The following CERS6 variants were observed in gnomAD, a reference collection of about 807,000 sequenced individuals.
The protein encoded by CERS6 is LAG1 homolog, ceramide synthase 6.
In CERS6, 26 loss-of-function variants were observed where a neutral mutation model predicts 56.8. That is an observed-to-expected ratio of 0.46 (90% CI 0.34 to 0.63). The LOEUF is 0.63. CERS6 is among the 30% of genes least tolerant of loss of function. The probability of loss-of-function intolerance (pLI) is 0.01; values close to 1 mark genes in which losing one functional copy is unlikely to be tolerated. For missense variants in CERS6, 415 were observed against 467.5 expected, an observed-to-expected ratio of 0.89 and a Z score of 1.04; for synonymous variants, 164 against 173.3, an observed-to-expected ratio of 0.95 and a Z score of 0.42.
intron 8 of CERS6, among the ~76,000 whole-genome samples, chr2:168,725,966 C>T (rs559977966): frequency 3.9e-5 from 6 of 152,350 alleles, no homozygotes; most frequent in Admixed American, 3.3e-4. Flanking sequence ...CTGCATCTCT[C>T]TCTCTTATAG....
At chr2:168,630,585 T>G (rs911593812) in intron 3 of CERS6, among the ~76,000 whole-genome samples, 1 of 152,136 alleles carries the variant, frequency 6.6e-6, no homozygotes, top group African/African-American at 2.4e-5. Context: ...ATTAACTCTT[T>G]TAAAACAAAT....
chr2:168,552,390 A>G lies in CERS6; in HGVS notation c.276+4689A>G, dbSNP rs1438458159. Among the ~76,000 whole-genome samples, 6 of 142,746 alleles carry G rather than the reference A, an allele frequency of 4.2e-5. No homozygotes were observed. In the East Asian group the frequency reaches 1.2e-3, roughly 29 times the overall value. 93.6% of individuals were successfully genotyped at this position (142,746 alleles called of 152,430 possible). On this transcript the variant is annotated intron_variant, in intron 2 of 9. Coordinates refer to ENST00000305747, the MANE Select transcript of CERS6 (RefSeq NM_203463.3). ...CACACACACACACACACACACACAC[A>G]CTACACACACAAACACAGAGAAAGA...
intron 1 of CERS6, among the ~76,000 whole-genome samples, chr2:168,541,554 T>C (rs1695370679): frequency 1.3e-5 from 2 of 152,196 alleles, no homozygotes; most frequent in Admixed American, 1.3e-4. Flanking sequence ...TTAGAGTGGG[T>C]CATATTTTAC....
chr2:168,759,703 C>T (rs1574226125), intron 8 of CERS6, among the ~76,000 whole-genome samples: 1 of 152,170 alleles, frequency 6.6e-6, no homozygotes, highest in Non-Finnish European at 1.5e-5. Flanking sequence ...TATCATAGAA[C>T]TATTATACAG....
At chr2:168,559,234 G>C (rs1261768781) in intron 2 of CERS6, among the ~76,000 whole-genome samples, 2 of 151,762 alleles carry the variant, frequency 1.3e-5, no homozygotes, top group African/African-American at 4.8e-5. Context: ...CCCAAAGTTG[G>C]CAAATAACGT....
intron 1 of CERS6, among the ~76,000 whole-genome samples, chr2:168,538,664 C>T (rs1309546191): frequency 6.6e-6 from 1 of 152,124 alleles, no homozygotes; most frequent in East Asian, 1.9e-4. Flanking sequence ...AATGTAAGCT[C>T]CATAAAAATG....
At chr2:168,645,469 T>C (rs1235930161) in intron 4 of CERS6, among the ~76,000 whole-genome samples, 1 of 151,932 alleles carries the variant, frequency 6.6e-6, no homozygotes, top group Non-Finnish European at 1.5e-5. Flanking sequence ...GAAAACCCTG[T>C]TCCTTATTTT....
chr2:168,741,173 C>T (rs547508522), intron 8 of CERS6, among the ~76,000 whole-genome samples: 27 of 152,244 alleles, frequency 1.8e-4, no homozygotes, highest in Admixed American at 1.6e-3. Context: ...TATCTACTCA[C>T]TCTAACCTCT....
chr2:168,758,748 TG>T (rs1684483054), intron 8 of CERS6, among the ~76,000 whole-genome samples: 2 of 152,148 alleles, frequency 1.3e-5, no homozygotes. Context: ...CGCATGAGAA[TG>T]GGGAAATTGA....
intron 3 of CERS6, among the ~76,000 whole-genome samples, chr2:168,587,216 A>C (rs148317342): frequency 1.2e-3 from 186 of 152,236 alleles, no homozygotes; most frequent in African/African-American, 4.4e-3. Flanking sequence ...TATAAAGTAA[A>C]ACAAAATAAA....
At chr2:168,647,333 G>C (rs1045578472) in intron 4 of CERS6, among the ~76,000 whole-genome samples, 1 of 152,100 alleles carries the variant, frequency 6.6e-6, no homozygotes, top group African/African-American at 2.4e-5. Flanking sequence ...ACTGTTGTTG[G>C]TGTATAGGAA....
chr2:168,681,617 CAT>C (rs1451404655), intron 4 of CERS6, among the ~76,000 whole-genome samples: 1 of 152,114 alleles, frequency 6.6e-6, no homozygotes, highest in Non-Finnish European at 1.5e-5. Flanking sequence ...TCACCTCAGA[CAT>C]GTATTATTTA....
intron 2 of CERS6, among the ~76,000 whole-genome samples, chr2:168,549,142 A>T (rs1695520395): frequency 1.3e-5 from 2 of 152,136 alleles, no homozygotes; most frequent in South Asian, 4.1e-4. Context: ...TACATTAAAC[A>T]TACAGTATTC....
At chr2:168,516,488 A>G (rs1197022693) in intron 1 of CERS6, among the ~76,000 whole-genome samples, 1 of 152,186 alleles carries the variant, frequency 6.6e-6, no homozygotes, top group Non-Finnish European at 1.5e-5. Flanking sequence ...TCTCAGTGCC[A>G]TATTTCTTTG....
chr2:168,745,247 A>AAT (rs1553515623), intron 8 of CERS6, among the ~76,000 whole-genome samples: 113 of 149,894 alleles, frequency 7.5e-4, no homozygotes, highest in African/African-American at 2.5e-3. Context: ...CAGTTTAAAA[A>AAT]TTTTTTTTTT....
rs34492119 is a variant in CERS6 at position 168,484,167 on chromosome 2, G to GTT, written c.170+27579_170+27580dup. 3.5e-3 allele frequency among the ~76,000 whole-genome samples: 179 copies of GTT among 51,610 alleles called. 27 individuals carry two copies. Among genetic ancestry groups the GTT allele is most frequent in the Non-Finnish European group, 5.3e-3 (143 of 27,046 alleles). The allele number at this position is 51,610 out of a possible 152,430, so 33.9% of individuals were successfully genotyped here. ...TTTTCTTTTTCTTTTTCTTTTTTCT[G>GTT]TTTTTTTTTTTTTTTTTTTTTTTTT... On this transcript the variant is annotated intron_variant, in intron 1 of 9. Coordinates refer to ENST00000305747, the MANE Select transcript of CERS6 (RefSeq NM_203463.3).
At chr2:168,762,908 CT>C (rs11306773) in intron 8 of CERS6, among the ~76,000 whole-genome samples, 121,599 of 152,110 alleles carry the variant, frequency 0.8, 49,198 homozygotes, top group East Asian at 0.97. Context: ...GTCTCTCACT[CT>C]TGTCGCCCAG....
chr2:168,653,537 G>A (rs1184444675), intron 4 of CERS6, among the ~76,000 whole-genome samples: 4 of 152,288 alleles, frequency 2.6e-5, no homozygotes, highest in South Asian at 4.1e-4. Context: ...ATTTTCTGGT[G>A]TGCTATGTTT....
intron 4 of CERS6, among the ~76,000 whole-genome samples, chr2:168,631,579 A>C: frequency 8.4e-6 from 1 of 119,254 alleles, no homozygotes; most frequent in African/African-American, 3.4e-5. Flanking sequence ...AATATAATAT[A>C]TATTTAATAT....
Sources: gnomAD v4.1 joint callset for allele counts (sites outside exome capture counted in the v4.1 genomes callset) on GRCh38, gnomAD v4.1.1 for gene constraint, MANE v1.5 for transcripts, NCBI Gene and HGNC (gene_info 2026-07-23, HGNC 2026-07-21) for gene names.